Variants in BCKDHB observed in about 807,000 individuals in gnomAD.
The protein encoded by BCKDHB is branched chain keto acid dehydrogenase E1 subunit beta.
In BCKDHB, 41 loss-of-function variants were observed where a neutral mutation model predicts 48.5. The observed-to-expected ratio is 0.85, with a 90% CI of 0.66 to 1.10. The LOEUF (loss-of-function observed/expected upper bound fraction) is 1.10, where lower values mean the gene tolerates loss of function less well. Ranked by LOEUF, BCKDHB falls within the 50% of genes least tolerant of loss-of-function variation. The pLI, the probability that BCKDHB is intolerant of heterozygous loss-of-function variation, is 0.00. For synonymous variants in BCKDHB, 201 were observed against 174.8 expected (o/e 1.15, Z -1.18); for missense variants, 496 against 494.2 (o/e 1.00, Z -0.03).
chr6:80,402,572 C>A, the BCKDHB span, among the ~76,000 whole-genome samples: 1 of 151,854 alleles, frequency 6.6e-6, no homozygotes, highest in African/African-American at 2.4e-5. Flanking sequence ...TCTCTTCACT[C>A]TGTTGATTCC....
intron 1 of BCKDHB, among the ~76,000 whole-genome samples, chr6:80,123,470 C>G (rs1413720580): frequency 6.6e-6 from 1 of 152,178 alleles, no homozygotes; most frequent in Non-Finnish European, 1.5e-5. Context: ...AGGAATGGTA[C>G]CAGCAACTCT....
At chr6:80,378,293 C>T in the BCKDHB span, among the ~76,000 whole-genome samples, 2 of 152,158 alleles carry the variant, frequency 1.3e-5, no homozygotes, top group African/African-American at 4.8e-5. Flanking sequence ...TCCATGTGCA[C>T]TCATTGTTTA....
intron 8 of BCKDHB, among the ~76,000 whole-genome samples, chr6:80,227,831 G>C (rs1046539229): frequency 6.6e-6 from 1 of 152,144 alleles, no homozygotes; most frequent in African/African-American, 2.4e-5. Context: ...TTTCTAATAA[G>C]AGTAATTCTG....
intron 6 of BCKDHB, among the ~76,000 whole-genome samples, chr6:80,182,881 T>A (rs1380931623): frequency 6.6e-6 from 1 of 152,206 alleles, no homozygotes; most frequent in Non-Finnish European, 1.5e-5. Context: ...CAATATATTT[T>A]TGATATATTT....
At chr6:80,118,846 T>C (rs190387164) in intron 1 of BCKDHB, among the ~76,000 whole-genome samples, 7 of 152,320 alleles carry the variant, frequency 4.6e-5, no homozygotes, top group African/African-American at 1.7e-4. Flanking sequence ...GTTCTTCAGG[T>C]TGCATACGTA....
the BCKDHB span, among the ~76,000 whole-genome samples, chr6:80,368,571 C>G: frequency 1.3e-5 from 2 of 152,118 alleles, no homozygotes; most frequent in African/African-American, 4.8e-5. Flanking sequence ...TAACAGGAAC[C>G]GTGATGATAT....
the BCKDHB span, among the ~76,000 whole-genome samples, chr6:80,433,724 ACTC>A: frequency 2.6e-5 from 4 of 151,688 alleles, no homozygotes; most frequent in East Asian, 7.7e-4. Flanking sequence ...AAAAAAAAGA[ACTC>A]CTGAAGCTAG....
chr6:80,315,594 C>A (rs1768405517), intron 9 of BCKDHB, among the ~76,000 whole-genome samples: 1 of 151,714 alleles, frequency 6.6e-6, no homozygotes, highest in Non-Finnish European at 1.5e-5. Context: ...GCCCCCGATC[C>A]CTTGTTTTTT....
At position 80,123,471 on chromosome 6, in the gene BCKDHB, C is replaced by T. The variant is rs1010596853; in HGVS notation, c.197-4076C>T. On this transcript the variant is annotated intron_variant, in intron 1 of 9. Transcript: ENST00000320393. ...TTCCTGCAAGAAGAAGGAATGGTAC[C>T]AGCAACTCTTTGTATCTCTGGTAGA... Among the ~76,000 whole-genome samples, 44 of 152,192 alleles carry T rather than the reference C, an allele frequency of 2.9e-4. 2 individuals are homozygous for T. The highest frequency in any genetic ancestry group is 5.9e-5 in the Non-Finnish European group (4 of 68,038).
the BCKDHB span, among the ~76,000 whole-genome samples, chr6:80,409,944 T>C: frequency 0.05 from 7,670 of 152,030 alleles, 587 homozygotes; most frequent in African/African-American, 0.16. Flanking sequence ...TGTGTGAATT[T>C]GATCCTCTCA....
chr6:80,441,288 A>G, the BCKDHB span: 3 of 152,162 alleles, frequency 2.0e-5, no homozygotes, highest in South Asian at 4.1e-4. Flanking sequence ...GACAGTTTCT[A>G]TGGCACATCT....
chr6:80,333,017 C>T (rs2874849), intron 9 of BCKDHB, among the ~76,000 whole-genome samples: 117,918 of 151,920 alleles, frequency 0.78, 46,133 homozygotes, highest in Admixed American at 0.84. Context: ...CCCTAGCTCC[C>T]CCAAAAAGGA....
At chr6:80,466,420 G>T in the BCKDHB span, among the ~76,000 whole-genome samples, 1 of 152,124 alleles carries the variant, frequency 6.6e-6, no homozygotes, top group Admixed American at 6.6e-5. Context: ...TAAGAGGTAA[G>T]TAAATGCTGA....
At chr6:80,243,464 A>T (rs566132488) in intron 8 of BCKDHB, among the ~76,000 whole-genome samples, 2 of 152,244 alleles carry the variant, frequency 1.3e-5, no homozygotes, top group Non-Finnish European at 2.9e-5. Context: ...TAATGTCTGG[A>T]TAAAACTATA....
intron 8 of BCKDHB, among the ~76,000 whole-genome samples, chr6:80,256,639 T>C (rs1257636858): frequency 6.6e-6 from 1 of 152,204 alleles, no homozygotes; most frequent in Non-Finnish European, 1.5e-5. Context: ...TATACTTTCA[T>C]TTTTTATTTG....
chr6:80,139,261 C>A (rs1771060253), intron 3 of BCKDHB, among the ~76,000 whole-genome samples: 1 of 151,926 alleles, frequency 6.6e-6, no homozygotes, highest in South Asian at 2.1e-4. Context: ...GTTGCCTGTT[C>A]ACTCTGATGG....
rs551284679 is a variant in BCKDHB at position 80,238,144 on chromosome 6, C to T, written c.951+34932C>T. Among the ~76,000 whole-genome samples the T allele has an allele frequency of 2.6e-5, 4 of 152,238 alleles. No individual in the cohort carries two copies. The East Asian group carries it at 5.8e-4, about 22-fold the overall frequency. ...TGAGAGTCTCGCTCTGTCACCCAGG[C>T]TGGAGTTCAGTGGCGTGATCTTGGC... On this transcript the variant is annotated intron_variant, in intron 8 of 9. Coordinates refer to ENST00000320393, the MANE Select transcript of BCKDHB (RefSeq NM_183050.4).
In BCKDHB at chr6:80,203,180, A is replaced by C; in HGVS notation, c.919A>C (p.Ile307Leu). ...TTGTGAAGTCATTGATCTGAGGACT[A>C]TAATACCTTGGGATGTGGACACAAT... ...VSCEVIDLRT[I>L]IPWDVDTICK... is the part of the protein sequence containing the mutation. The change falls in exon 8 of 10, where the codon ATA (isoleucine) becomes CTA (leucine). Residue 307 changes from isoleucine (I) to leucine (L), a missense_variant. Coordinates refer to ENST00000320393, the MANE Select transcript of BCKDHB (RefSeq NM_183050.4). 2.5e-6 allele frequency: 4 copies of C among 1,611,546 alleles called. No homozygotes were observed. The highest frequency in any genetic ancestry group is 3.4e-6 in the Non-Finnish European group (4 of 1,177,846).
intron 9 of BCKDHB, among the ~76,000 whole-genome samples, chr6:80,306,072 A>G (rs1767861106): frequency 1.3e-5 from 2 of 152,192 alleles, no homozygotes; most frequent in African/African-American, 4.8e-5. Flanking sequence ...TAAGTGAATT[A>G]ATACATGTAA....
Sources: gnomAD v4.1 joint callset for allele counts (sites outside exome capture counted in the v4.1 genomes callset) on GRCh38, gnomAD v4.1.1 for gene constraint, MANE v1.5 for transcripts, NCBI Gene and HGNC (gene_info 2026-07-23, HGNC 2026-07-21) for gene names.